Variants in ATG7 observed in about 807,000 individuals in gnomAD.
The protein encoded by ATG7 is autophagy related 7, also known as ubiquitin-like modifier-activating enzyme ATG7.
In ATG7, 70 loss-of-function variants were observed where a neutral mutation model predicts 82.4. The observed-to-expected ratio is 0.85, with a 90% CI of 0.70 to 1.04. The LOEUF is 1.04. Among genes scored for constraint, ATG7 ranks in the 50% least tolerant of loss-of-function variants. The pLI is 0.00. For missense variants in ATG7, 792 were observed against 864.3 expected (o/e 0.92, Z 1.05); for synonymous variants, 287 against 313.0 (o/e 0.92, Z 0.88).
chr3:11,361,242 T>G (rs1304328312), intron 16 of ATG7, among the ~76,000 whole-genome samples: 1 of 151,948 alleles, frequency 6.6e-6, no homozygotes. Context: ...TAAGTAAAAA[T>G]ATAGGATTCC....
intron 19 of ATG7, among the ~76,000 whole-genome samples, chr3:11,381,696 A>G (rs576820258): frequency 6.6e-6 from 1 of 152,342 alleles, no homozygotes; most frequent in African/African-American, 2.4e-5. Context: ...CTTTACATAA[A>G]CATGTTGGAC....
At chr3:11,510,540 C>G (rs541036739) in intron 20 of ATG7, among the ~76,000 whole-genome samples, 1 of 151,526 alleles carries the variant, frequency 6.6e-6, no homozygotes, top group African/African-American at 2.4e-5. Flanking sequence ...CCCCCCATCT[C>G]CAAAGCTGTC....
At chr3:11,403,972 A>G (rs115139766) in intron 19 of ATG7, among the ~76,000 whole-genome samples, 2,130 of 152,004 alleles carry the variant, frequency 0.014, 28 homozygotes, top group African/African-American at 0.014. Flanking sequence ...CATTTTTCCA[A>G]TTTACCTCCT....
intron 20 of ATG7, among the ~76,000 whole-genome samples, chr3:11,428,899 T>A (rs1250246851): frequency 6.6e-6 from 1 of 152,226 alleles, no homozygotes; most frequent in East Asian, 1.9e-4. Context: ...TTAACCTGGT[T>A]TATCTTACAT....
At chr3:11,404,361 C>G (rs1045366730) in intron 19 of ATG7, among the ~76,000 whole-genome samples, 5 of 151,892 alleles carry the variant, frequency 3.3e-5, no homozygotes, top group Admixed American at 3.3e-4. Flanking sequence ...GTCATGAACT[C>G]CTGACTTCAA....
At chr3:11,483,395 A>G (rs2089240821) in intron 20 of ATG7, among the ~76,000 whole-genome samples, 1 of 152,184 alleles carries the variant, frequency 6.6e-6, no homozygotes, top group East Asian at 1.9e-4. Flanking sequence ...TGAGCTCCCA[A>G]CACGCACAGA....
intron 8 of ATG7, among the ~76,000 whole-genome samples, chr3:11,314,414 T>G (rs73015744): frequency 1.3e-5 from 2 of 151,530 alleles, no homozygotes; most frequent in South Asian, 2.1e-4. Flanking sequence ...TTAAATTTTT[T>G]TTGTTGTTGT....
chr3:11,321,781 T>C (rs1417912913), intron 9 of ATG7, among the ~76,000 whole-genome samples: 14 of 152,210 alleles, frequency 9.2e-5, no homozygotes, highest in Admixed American at 9.2e-4. Context: ...GAACTAAGAA[T>C]CATTAAGTTT....
downstream of ATG7, among the ~76,000 whole-genome samples, chr3:11,561,334 ACT>A (rs149044680): frequency 0.022 from 3,376 of 152,088 alleles, 86 homozygotes; most frequent in African/African-American, 0.061. Flanking sequence ...TTCAGAAGAG[ACT>A]CTCTAACAAG....
At chr3:11,354,757 T>C (rs1052415613) in intron 14 of ATG7, among the ~76,000 whole-genome samples, 1 of 151,482 alleles carries the variant, frequency 6.6e-6, no homozygotes, top group African/African-American at 2.4e-5. Flanking sequence ...TAGTGGATAC[T>C]GGACTAGCTC....
chr3:11,572,369 T>C, the ATG7 span, among the ~76,000 whole-genome samples: 3 of 152,256 alleles, frequency 2.0e-5, no homozygotes, highest in East Asian at 3.9e-4. Flanking sequence ...GCCTTTCCAT[T>C]TTCCGGGAGG....
intron 5 of ATG7, among the ~76,000 whole-genome samples, chr3:11,300,050 A>G (rs1946543438): frequency 6.6e-6 from 1 of 151,800 alleles, no homozygotes; most frequent in Non-Finnish European, 1.5e-5. Flanking sequence ...TTAGCCTCCC[A>G]AGTAGCTGGG....
At chr3:11,425,592 A>G (rs1481218157) in intron 19 of ATG7, among the ~76,000 whole-genome samples, 2 of 152,170 alleles carry the variant, frequency 1.3e-5, no homozygotes, top group East Asian at 3.9e-4. Context: ...TAAATGTGAT[A>G]CTCATTGTTT....
the ATG7 span, among the ~76,000 whole-genome samples, chr3:11,567,232 A>G: frequency 2.6e-5 from 4 of 152,206 alleles, no homozygotes; most frequent in Admixed American, 6.6e-5. Context: ...AGAGGACTCT[A>G]AATGGGGGAC....
intron 7 of ATG7, among the ~76,000 whole-genome samples, chr3:11,311,756 A>T (rs1330636620): frequency 6.6e-6 from 1 of 152,120 alleles, no homozygotes. Flanking sequence ...TTTAGGACTC[A>T]TAGGACTAGA....
intron 9 of ATG7, among the ~76,000 whole-genome samples, chr3:11,321,683 C>T (rs889319252): frequency 6.6e-6 from 1 of 152,154 alleles, no homozygotes; most frequent in Non-Finnish European, 1.5e-5. Context: ...TTCCCAACAG[C>T]TTAATGGGTC....
chr3:11,382,659 G>A (rs1402186654), intron 19 of ATG7, among the ~76,000 whole-genome samples: 1 of 152,134 alleles, frequency 6.6e-6, no homozygotes, highest in Non-Finnish European at 1.5e-5. Context: ...GAGTATTGTG[G>A]TGTTACTACC....
intron 20 of ATG7, among the ~76,000 whole-genome samples, chr3:11,428,558 GT>G (rs1224000433): frequency 6.6e-6 from 1 of 152,212 alleles, no homozygotes; most frequent in Non-Finnish European, 1.5e-5. Context: ...TCTATTTCAA[GT>G]TTCAGGAGAT....
At chr3:11,490,041 T>C (rs939843399) in intron 20 of ATG7, among the ~76,000 whole-genome samples, 1 of 152,118 alleles carries the variant, frequency 6.6e-6, no homozygotes, top group Non-Finnish European at 1.5e-5. Context: ...TTGTTAACTT[T>C]CTGTCTCTTT....
Sources: gnomAD v4.1 joint callset for allele counts (sites outside exome capture counted in the v4.1 genomes callset) on GRCh38, gnomAD v4.1.1 for gene constraint, MANE v1.5 for transcripts, NCBI Gene and HGNC (gene_info 2026-07-23, HGNC 2026-07-21) for gene names.